PRKG1: variants seen among roughly 807,000 people sequenced by gnomAD.
The protein encoded by PRKG1 is protein kinase cGMP-dependent 1.
PRKG1 carries 35 observed loss-of-function variants against 88.1 expected under a neutral mutation model. The ratio of observed to expected loss-of-function variants is 0.40; its 90% CI spans 0.30 to 0.53. The LOEUF is 0.53. PRKG1 is among the 20% of genes least tolerant of loss of function. PRKG1 has a pLI of 0.59. For missense variants in PRKG1, 540 were observed against 839.8 expected (o/e 0.64, Z 4.41); for synonymous variants, 303 against 292.5 (o/e 1.04, Z -0.37).
intron 5 of PRKG1, among the ~76,000 whole-genome samples, chr10:51,977,214 T>C (rs1442824084): frequency 6.6e-6 from 1 of 152,014 alleles, no homozygotes; most frequent in African/African-American, 2.4e-5. Context: ...GGAACAAACA[T>C]GTGGTATTTG....
intron 1 of PRKG1, among the ~76,000 whole-genome samples, chr10:51,083,475 C>A (rs1318312774): frequency 6.6e-6 from 1 of 150,814 alleles, no homozygotes; most frequent in African/African-American, 2.4e-5. Flanking sequence ...GGGCTTGTAG[C>A]GTCTCTCTTG....
chr10:52,028,086 GC>G (rs1845387873), intron 5 of PRKG1, among the ~76,000 whole-genome samples: 1 of 152,074 alleles, frequency 6.6e-6, no homozygotes, highest in Non-Finnish European at 1.5e-5. Flanking sequence ...ACTGCGCCCA[GC>G]CCGTCTATAT....
intron 3 of PRKG1, among the ~76,000 whole-genome samples, chr10:51,583,288 G>A (rs61851460): frequency 0.014 from 2,085 of 152,182 alleles, 23 homozygotes; most frequent in Non-Finnish European, 0.021. Context: ...ATGAATTTAG[G>A]CAATTTCTTG....
intron 3 of PRKG1, among the ~76,000 whole-genome samples, chr10:51,736,696 A>ACTCCTGGTTTCAAGCGGTC (rs1351114558): frequency 6.7e-6 from 1 of 148,238 alleles, no homozygotes; most frequent in African/African-American, 2.5e-5. Context: ...GTAATCTTGA[A>ACTCCTGGTTTCAAGCGGTC]CTCCTGGTTT....
chr10:52,170,179 C>T (rs1838625750), intron 9 of PRKG1, among the ~76,000 whole-genome samples: 1 of 152,110 alleles, frequency 6.6e-6, no homozygotes, highest in East Asian at 1.9e-4. Flanking sequence ...ATCGCTTAAG[C>T]CTTCCTCTGA....
intron 2 of PRKG1, among the ~76,000 whole-genome samples, chr10:51,428,415 GA>G (rs1414569348): frequency 1.3e-5 from 2 of 152,114 alleles, no homozygotes; most frequent in Non-Finnish European, 2.9e-5. Flanking sequence ...ATGAAGCCAT[GA>G]AAAAGAAGTA....
intron 3 of PRKG1, among the ~76,000 whole-genome samples, chr10:51,630,929 C>A (rs376953612): frequency 6.6e-6 from 1 of 152,194 alleles, no homozygotes; most frequent in Non-Finnish European, 1.5e-5. Context: ...TCAATGATTT[C>A]TTCTGTTCTT....
At chr10:52,235,411 C>A (rs1840654880) in intron 9 of PRKG1, among the ~76,000 whole-genome samples, 2 of 135,852 alleles carry the variant, frequency 1.5e-5, no homozygotes, top group African/African-American at 2.8e-5. Flanking sequence ...GTGCTGTATT[C>A]AGGAAACCCA....
chr10:51,000,860 G>A (rs1056078706), intron 1 of PRKG1, among the ~76,000 whole-genome samples: 3 of 152,140 alleles, frequency 2.0e-5, no homozygotes, highest in African/African-American at 7.2e-5. Flanking sequence ...GAATGAAATG[G>A]ATTGTTCTCC....
In PRKG1 at chr10:51,565,452, C is replaced by T. The variant is rs565008236; in HGVS notation, c.592+97616C>T. On this transcript the variant is annotated intron_variant, in intron 3 of 17. Coordinates refer to ENST00000373980, the MANE Select transcript of PRKG1 (RefSeq NM_006258.4). ...GTGAATAAAACAAAAAAATGTAAAG[C>T]ATACATCAAACTGTACAGTCAGTAC... Among the ~76,000 whole-genome samples the T allele has an allele frequency of 2.1e-4, 32 of 152,128 alleles. No individual in the cohort carries two copies. The East Asian group carries it at 5.8e-3, about 28-fold the overall frequency.
intron 1 of PRKG1, among the ~76,000 whole-genome samples, chr10:51,016,263 T>C (rs1843058171): frequency 6.6e-6 from 1 of 152,234 alleles, no homozygotes; most frequent in Non-Finnish European, 1.5e-5. Flanking sequence ...AGTTGCACTG[T>C]ATTAATTACT....
chr10:51,115,015 T>C (rs1845078375), intron 1 of PRKG1, among the ~76,000 whole-genome samples: 1 of 152,030 alleles, frequency 6.6e-6, no homozygotes. Context: ...GAAGCATACA[T>C]CTAAAGATTT....
chr10:51,152,267 G>A (rs1308657459), intron 1 of PRKG1, among the ~76,000 whole-genome samples: 1 of 151,940 alleles, frequency 6.6e-6, no homozygotes, highest in Non-Finnish European at 1.5e-5. Flanking sequence ...GTTTCCTACT[G>A]ACTACCTGTA....
intron 3 of PRKG1, among the ~76,000 whole-genome samples, chr10:51,737,542 A>G (rs1052732901): frequency 3.9e-5 from 6 of 151,986 alleles, no homozygotes; most frequent in Non-Finnish European, 7.4e-5. Flanking sequence ...TGTCGAAGGA[A>G]TGACTGGATG....
chr10:51,131,443 C>T (rs1589179017), intron 1 of PRKG1, among the ~76,000 whole-genome samples: 1 of 152,046 alleles, frequency 6.6e-6, no homozygotes, highest in African/African-American at 2.4e-5. Flanking sequence ...TTTTGTTTAA[C>T]CTATTAAAAC....
rs918622780 is a variant in PRKG1, at chr10:51,334,999, C to CTTTTTTT, written c.479-132706_479-132700dup. On this transcript the variant is annotated intron_variant, in intron 2 of 17. Transcript: ENST00000373980. ...CAAAAAGGTTTTTCCTGTCAGGTTT[C>CTTTTTTT]TTTTTTTTTTTTTTTTTTTTTTTTG... Among the ~76,000 whole-genome samples the CTTTTTTT allele has an allele frequency of 4.8e-4, 38 of 78,764 alleles. 3 individuals carry two copies. The highest frequency in any genetic ancestry group is 8.2e-4 in the East Asian group (2 of 2,444). 51.7% of individuals were successfully genotyped at this position (78,764 alleles called of 152,430 possible).
chr10:51,656,336 C>T (rs1840159722), intron 3 of PRKG1, among the ~76,000 whole-genome samples: 1 of 152,128 alleles, frequency 6.6e-6, no homozygotes, highest in Non-Finnish European at 1.5e-5. Context: ...CTCCTTCTCA[C>T]TGCCTCTAGT....
chr10:51,701,854 T>C (rs775418644), intron 3 of PRKG1, among the ~76,000 whole-genome samples: 7 of 152,214 alleles, frequency 4.6e-5, no homozygotes, highest in Non-Finnish European at 7.3e-5. Context: ...GGTCTTCACA[T>C]GTAGCAGAAC....
chr10:51,225,716 ATG>A (rs1838674054), intron 2 of PRKG1, among the ~76,000 whole-genome samples: 1 of 152,118 alleles, frequency 6.6e-6, no homozygotes, highest in African/African-American at 2.4e-5. Context: ...TTTTAAGTGA[ATG>A]TGGCTATAAA....
Sources: allele counts gnomAD v4.1 joint callset (sites outside exome capture counted in the v4.1 genomes callset), GRCh38; gene constraint gnomAD v4.1.1; transcripts MANE v1.5; gene names NCBI Gene and HGNC (gene_info 2026-07-23, HGNC 2026-07-21).